TTLL7: variants seen among roughly 807,000 people sequenced by gnomAD.
TTLL7 encodes tubulin polyglutamylase TTLL7.
A neutral mutation model predicts 120.2 loss-of-function variants in TTLL7; 53 were observed. That is an observed-to-expected ratio of 0.44 (90% confidence interval 0.35 to 0.55). The LOEUF is 0.55. Ranked by LOEUF, TTLL7 falls within the 20% of genes least tolerant of loss-of-function variation. TTLL7 has a pLI of 0.00. For synonymous variants in TTLL7, 353 were observed against 351.7 expected, an observed-to-expected ratio of 1.00 and a Z score of -0.04; for missense variants, 803 against 1,054.7, an observed-to-expected ratio of 0.76 and a Z score of 3.31.
At chr1:83,881,250 T>C (rs1396077064) in intron 20 of TTLL7, among the ~76,000 whole-genome samples, 4 of 151,178 alleles carry the variant, frequency 2.6e-5, no homozygotes, top group Non-Finnish European at 4.4e-5. Context: ...TGGAATCTAA[T>C]TAAACTAAAG....
At chr1:83,892,952 A>AGG (rs1553129477) in intron 18 of TTLL7, among the ~76,000 whole-genome samples, 1 of 128,978 alleles carries the variant, frequency 7.8e-6, no homozygotes, top group Admixed American at 7.6e-5. Context: ...GAAAGAAAGA[A>AGG]AAGAATAAAA....
chr1:83,917,512 T>A (rs193217251), intron 14 of TTLL7, 92 bp downstream of exon 14: 12 of 951,878 alleles, frequency 1.3e-5, no homozygotes, highest in Admixed American at 1.1e-4. Context: ...TGGTTCCTTT[T>A]TTAAAGCAGC....
chr1:83,872,489 G>A (rs931711361), intron 20 of TTLL7, among the ~76,000 whole-genome samples: 2 of 152,170 alleles, frequency 1.3e-5, no homozygotes, highest in African/African-American at 4.8e-5. Flanking sequence ...AAAACGAGGT[G>A]TTTTATCAAA....
At position 83,874,720 on chromosome 1, in the gene TTLL7, G is replaced by C. The variant is rs573429876; in HGVS notation, c.2544-4638C>G. On this transcript the variant is annotated intron_variant, in intron 20 of 20. Transcript: ENST00000260505. ...TGTGGTTTTAACTTCAATTTTTTGGGGGGAAAAGCCCCAGTTTCAAATTCT... is the reference window on the plus strand; with the variant it reads ...TGTGGTTTTAACTTCAATTTTTTGGCGGGAAAAGCCCCAGTTTCAAATTCT... Among the ~76,000 whole-genome samples, 3 of 151,938 alleles carry C rather than the reference G, an allele frequency of 2.0e-5. No individual in the cohort carries two copies. In the South Asian group the frequency reaches 6.2e-4, roughly 32 times the overall value.
chr1:83,933,476 TC>T, intron 9 of TTLL7, 131 bp downstream of exon 9: 1 of 901,148 alleles, frequency 1.1e-6, no homozygotes, highest in East Asian at 2.5e-5. Context: ...ATCCTCTTCT[TC>T]CCACTTATTC....
At chr1:83,889,952 T>A (rs1406303075) in intron 19 of TTLL7, 1 of 461,958 alleles carries the variant, frequency 2.2e-6, no homozygotes, top group Middle Eastern at 3.2e-4. Flanking sequence ...GTTTTAGATA[T>A]CTTGAGGCTA....
rs1571022508 is a variant in TTLL7, at chr1:83,878,101, T to C, written c.2543+4862A>G. On this transcript the variant is annotated intron_variant, in intron 20 of 20. Coordinates refer to ENST00000260505, the MANE Select transcript of TTLL7 (RefSeq NM_024686.6). ...CGTGGATTATTTAAAAGTATACTTT[T>C]TGACTATATTTTTCTATTGTTTTCC... Among the ~76,000 whole-genome samples, 4 of 151,982 alleles carry C rather than the reference T, an allele frequency of 2.6e-5. No individual in the cohort carries two copies. In the South Asian group the frequency reaches 6.2e-4, roughly 24 times the overall value.
intron 4 of TTLL7, 43 bp downstream of exon 4, chr1:83,949,822 T>C (rs1463252999): frequency 1.2e-6 from 2 of 1,607,480 alleles, no homozygotes; most frequent in East Asian, 2.2e-5. Context: ...GGAATCCATA[T>C]AACTTTCCTC....
chr1:83,998,210 A>G (rs184903834), intron 1 of TTLL7, among the ~76,000 whole-genome samples: 1 of 152,336 alleles, frequency 6.6e-6, no homozygotes, highest in East Asian at 1.9e-4. Context: ...CCTGCTCCTC[A>G]GTTTCCACAT....
At chr1:83,928,825 T>C (rs1418418135) in intron 10 of TTLL7, among the ~76,000 whole-genome samples, 2 of 152,018 alleles carry the variant, frequency 1.3e-5, no homozygotes, top group East Asian at 3.9e-4. Flanking sequence ...TATACCTACA[T>C]TGAAATTTAA....
intron 7 of TTLL7, among the ~76,000 whole-genome samples, chr1:83,940,744 C>T (rs1410393330): frequency 6.6e-6 from 1 of 152,148 alleles, no homozygotes; most frequent in Non-Finnish European, 1.5e-5. Flanking sequence ...TATGGTCAGA[C>T]TAGAATACAA....
In TTLL7 at chr1:83,879,896, T is replaced by C. The variant is rs189490021; in HGVS notation, c.2543+3067A>G. 5.3e-5 allele frequency: 8 copies of C among 152,118 alleles called. No individual in the cohort carries two copies. The East Asian group carries it at 1.5e-3, about 29-fold the overall frequency. The allele number at this position is 152,118 out of a possible 1,614,324, so 9.4% of individuals were successfully genotyped here. A position where few individuals can be genotyped will look rare whatever the true frequency, so the allele number is the denominator to read the frequency against. ...CTGAAGCAACTGTAAAACATACCTT[T>C]TTCCTCCAACGTAACCAAGAAGACT... On this transcript the variant is annotated intron_variant, in intron 20 of 20. Coordinates refer to ENST00000260505, the MANE Select transcript of TTLL7 (RefSeq NM_024686.6).
At chr1:83,917,933 T>C (rs1658331389) in intron 13 of TTLL7, among the ~76,000 whole-genome samples, 1 of 152,156 alleles carries the variant, frequency 6.6e-6, no homozygotes, top group Admixed American at 6.6e-5. Flanking sequence ...TAAACAAATG[T>C]ATCTTTATAG....
At chr1:83,995,772 T>C (rs1194207551) in intron 1 of TTLL7, among the ~76,000 whole-genome samples, 1 of 152,090 alleles carries the variant, frequency 6.6e-6, no homozygotes, top group Non-Finnish European at 1.5e-5. Context: ...AAGGAACTAA[T>C]ATTCAAAATA....
intron 9 of TTLL7, among the ~76,000 whole-genome samples, chr1:83,932,101 CAG>C (rs1276533323): frequency 1.3e-5 from 2 of 151,998 alleles, no homozygotes; most frequent in African/African-American, 4.8e-5. Flanking sequence ...TTTTAAAATC[CAG>C]AATTCAACCA....
chr1:83,896,876 T>C (rs1472178645), intron 18 of TTLL7, among the ~76,000 whole-genome samples: 1 of 152,092 alleles, frequency 6.6e-6, no homozygotes, highest in East Asian at 1.9e-4. Context: ...CCCACCAACA[T>C]GACTATATTT....
intron 1 of TTLL7, among the ~76,000 whole-genome samples, chr1:83,973,542 G>C (rs1651188165): frequency 6.6e-6 from 1 of 151,874 alleles, no homozygotes; most frequent in Admixed American, 6.6e-5. Flanking sequence ...ATATTGTGTT[G>C]GCTCTTCTGG....
chr1:83,961,171 C>A (rs1406732166), intron 1 of TTLL7, among the ~76,000 whole-genome samples: 1 of 152,134 alleles, frequency 6.6e-6, no homozygotes, highest in Non-Finnish European at 1.5e-5. Context: ...GAGCCTGGAA[C>A]ATAGGAGTTA....
intron 19 of TTLL7, chr1:83,887,219 C>A (rs1407454444): frequency 2.5e-6 from 3 of 1,176,922 alleles, no homozygotes; most frequent in Non-Finnish European, 2.1e-6. Flanking sequence ...AGGCAAGAAT[C>A]AAGGCCTTGG....
Sources: gnomAD v4.1 joint callset for allele counts (sites outside exome capture counted in the v4.1 genomes callset) on GRCh38, gnomAD v4.1.1 for gene constraint, MANE v1.5 for transcripts, NCBI Gene and HGNC (gene_info 2026-07-23, HGNC 2026-07-21) for gene names.